RANBP17: variants seen among roughly 807,000 people sequenced by gnomAD.
RANBP17 encodes RAN binding protein 17.
In RANBP17, 158 loss-of-function variants were observed where a neutral mutation model predicts 141.2. The observed-to-expected ratio is 1.12, with a 90% CI of 0.98 to 1.28. The LOEUF is 1.28. Among genes scored for constraint, RANBP17 ranks in the 50% most tolerant of loss-of-function variants. The pLI, the probability that RANBP17 is intolerant of heterozygous loss-of-function variation, is 0.00. For missense variants in RANBP17, 1,438 were observed against 1,290.7 expected (o/e 1.11, Z -1.75); for synonymous variants, 430 against 450.0 (o/e 0.96, Z 0.56).
chr5:170,878,207 T>A lies in RANBP17; in HGVS notation c.129T>A (p.Cys43Ter). Residue 43 changes from cysteine (C) to a stop codon, truncating the protein, a stop_gained, in exon 2 of 28, where the codon TGT becomes TGA. Coordinates refer to ENST00000523189, the MANE Select transcript of RANBP17 (RefSeq NM_022897.5). LOFTEE classifies it high-confidence loss of function. The stretch of plus-strand genomic sequence containing the variant: ...TGGAACTTATTGACAGTCCAGAATG[T>A]CTCAGCAAGTGTCAACTTTTATTAG... Reference protein sequence around the residue: ...ALLELIDSPECLSKCQLLLEQ... With the variant: ...ALLELIDSPE 6.2e-7 allele frequency: 1 copy of A among 1,610,892 alleles called. No homozygotes were observed.
Position 170,878,087 on chromosome 5 carries a change from T to G in RANBP17, c.19-10T>G. On this transcript the variant is annotated splice_polypyrimidine_tract_variant and intron_variant, in intron 1 of 27. Transcript: ENST00000523189. Reference sequence around the variant, plus strand: ...ATTGAAGTAAAATGTTAATTTTTTTTTCTTTGAAGAGTTTGGCTGAATTGG... The same window carrying G: ...ATTGAAGTAAAATGTTAATTTTTTTGTCTTTGAAGAGTTTGGCTGAATTGG... 1 of 1,538,906 alleles carries G rather than the reference T, an allele frequency of 6.5e-7. No individual in the cohort carries two copies. The highest frequency in any genetic ancestry group is 1.3e-5 in the South Asian group (1 of 77,652).
At chr5:171,011,814 T>A (rs916501311) in intron 14 of RANBP17, among the ~76,000 whole-genome samples, 3 of 151,954 alleles carry the variant, frequency 2.0e-5, no homozygotes, top group Admixed American at 2.0e-4. Flanking sequence ...TTGTTTCTCG[T>A]TTGTCCCAGT....
chr5:171,088,780 C>T (rs2127722956), intron 14 of RANBP17, among the ~76,000 whole-genome samples: 1 of 152,280 alleles, frequency 6.6e-6, no homozygotes, highest in Middle Eastern at 3.4e-3. Context: ...CTGCATTCTT[C>T]ACGTAGTTCT....
chr5:170,981,246 A>C (rs561737297), intron 14 of RANBP17, among the ~76,000 whole-genome samples: 1 of 85,080 alleles, frequency 1.2e-5, no homozygotes, highest in Non-Finnish European at 2.7e-5. Context: ...CTCAGATGAG[A>C]CTATGGACTG....
At chr5:170,873,252 T>G (rs1290733990) in intron 1 of RANBP17, among the ~76,000 whole-genome samples, 1 of 152,220 alleles carries the variant, frequency 6.6e-6, no homozygotes, top group Non-Finnish European at 1.5e-5. Context: ...GGTTTGCCAG[T>G]ATTTTATTGA....
At chr5:171,034,034 C>A (rs1781715204) in intron 14 of RANBP17, among the ~76,000 whole-genome samples, 1 of 152,096 alleles carries the variant, frequency 6.6e-6, no homozygotes, top group Non-Finnish European at 1.5e-5. Context: ...ATCATTTGAG[C>A]CCAGGAGTTT....
chr5:171,139,061 TACTGAG>T (rs1332625323), intron 14 of RANBP17, among the ~76,000 whole-genome samples: 1 of 151,914 alleles, frequency 6.6e-6, no homozygotes, highest in Non-Finnish European at 1.5e-5. Context: ...CTGGGCAACA[TACTGAG>T]ACCCTGTCTC....
At chr5:170,960,681 C>T (rs1329332063) in intron 13 of RANBP17, among the ~76,000 whole-genome samples, 1 of 152,176 alleles carries the variant, frequency 6.6e-6, no homozygotes, top group East Asian at 1.9e-4. Flanking sequence ...CTTCCTTTTG[C>T]AGCCAGAGTA....
chr5:171,188,668 C>T (rs537686183), intron 18 of RANBP17, among the ~76,000 whole-genome samples: 6 of 152,184 alleles, frequency 3.9e-5, no homozygotes, highest in Non-Finnish European at 8.8e-5. Context: ...GTGTCACTCA[C>T]ATTTTCAGAA....
intron 14 of RANBP17, among the ~76,000 whole-genome samples, chr5:171,146,296 A>G (rs917801216): frequency 3.3e-5 from 5 of 152,244 alleles, no homozygotes; most frequent in African/African-American, 1.2e-4. Flanking sequence ...GGGCAGAACA[A>G]GAAAATGTAA....
intron 24 of RANBP17, among the ~76,000 whole-genome samples, chr5:171,257,244 C>T (rs528453562): frequency 1.3e-5 from 2 of 152,290 alleles, no homozygotes; most frequent in Admixed American, 6.5e-5. Flanking sequence ...AGGAATGCAG[C>T]GTTAATTCAG....
At chr5:171,185,539 A>G (rs1352327305) in intron 18 of RANBP17, among the ~76,000 whole-genome samples, 2 of 152,250 alleles carry the variant, frequency 1.3e-5, no homozygotes, top group African/African-American at 4.8e-5. Flanking sequence ...CAATGTTCAC[A>G]GCGTCTTTAC....
chr5:171,245,917 C>T (rs1337811132), intron 24 of RANBP17, among the ~76,000 whole-genome samples: 5 of 143,714 alleles, frequency 3.5e-5, no homozygotes, highest in African/African-American at 1.3e-4. Flanking sequence ...CTCGCTCCAT[C>T]GCCCAGGCTG....
Position 171,271,075 on chromosome 5 carries a change from C to CTTTTTTTTTTTTTTTTTTTTTTT in RANBP17, c.2943+5249_2943+5271dup, listed in dbSNP as rs531200106. On this transcript the variant is annotated intron_variant, in intron 25 of 27. Transcript: ENST00000523189. ...TTTCTCCCTCCTTTTTATGTTATTTCTTTTTTTTTTTTTTTTTTTTTTTTT... is the reference window on the plus strand; with the variant it reads ...TTTCTCCCTCCTTTTTATGTTATTTCTTTTTTTTTTTTTTTTTTTTTTTTTTTTTTTTTTTTTTTTTTTTTTTT... The CTTTTTTTTTTTTTTTTTTTTTTT allele has an allele frequency of 4.7e-4, 13 of 27,562 alleles. 5 individuals are homozygous for CTTTTTTTTTTTTTTTTTTTTTTT. The highest frequency in any genetic ancestry group is 2.2e-3 in the African/African-American group (13 of 5,934). 1.7% of individuals were successfully genotyped at this position (27,562 alleles called of 1,614,324 possible).
At chr5:171,086,114 T>G (rs1785627013) in intron 14 of RANBP17, among the ~76,000 whole-genome samples, 1 of 140,286 alleles carries the variant, frequency 7.1e-6, no homozygotes, top group Non-Finnish European at 1.5e-5. Flanking sequence ...CATAGATAGC[T>G]CTTACTATTT....
At chr5:171,253,241 C>G (rs985597294) in intron 24 of RANBP17, among the ~76,000 whole-genome samples, 8 of 152,274 alleles carry the variant, frequency 5.3e-5, no homozygotes, top group African/African-American at 1.9e-4. Context: ...ATACCAGTTC[C>G]TCTTGTAAAA....
rs1159344330 is a variant in RANBP17 at position 170,955,648 on chromosome 5, GTATATATATA to G, written c.1574+1971_1574+1980del. Among the ~76,000 whole-genome samples the G allele has an allele frequency of 7.0e-3, 152 of 21,768 alleles. 13 individuals carry two copies. Among genetic ancestry groups the G allele is most frequent in the South Asian group, 0.019 (5 of 266 alleles). 14.3% of individuals were successfully genotyped at this position (21,768 alleles called of 152,430 possible). On this transcript the variant is annotated intron_variant, in intron 13 of 27. Coordinates refer to ENST00000523189, the MANE Select transcript of RANBP17 (RefSeq NM_022897.5). ...ATATATATATATATATATGCTCAGT[GTATATATATA>G]TATATATATATATATATATATATAC...
chr5:171,199,219 G>A (rs1762154007), intron 18 of RANBP17, among the ~76,000 whole-genome samples: 1 of 151,832 alleles, frequency 6.6e-6, no homozygotes, highest in South Asian at 2.1e-4. Context: ...TAATTAAAAA[G>A]AACATAAATA....
At chr5:171,197,778 T>C (rs1188341835) in intron 18 of RANBP17, among the ~76,000 whole-genome samples, 2 of 152,104 alleles carry the variant, frequency 1.3e-5, no homozygotes, top group Non-Finnish European at 2.9e-5. Context: ...GTGGCTCACA[T>C]CTGTAATCCC....
Sources: allele counts gnomAD v4.1 joint callset (sites outside exome capture counted in the v4.1 genomes callset), GRCh38; gene constraint gnomAD v4.1.1; transcripts MANE v1.5; gene names NCBI Gene and HGNC (gene_info 2026-07-23, HGNC 2026-07-21).